Variants in ADGRL2 observed in about 807,000 individuals in gnomAD.
The protein encoded by ADGRL2 is adhesion G protein-coupled receptor L2.
A neutral mutation model predicts 157.4 loss-of-function variants in ADGRL2; 44 were observed. The observed-to-expected ratio is 0.28, with a 90% CI of 0.22 to 0.36. The LOEUF is 0.36. Ranked by LOEUF, ADGRL2 falls within the 10% of genes least tolerant of loss-of-function variation. The pLI, the probability that ADGRL2 is intolerant of heterozygous loss-of-function variation, is 1.00. For synonymous variants in ADGRL2, 585 were observed against 624.7 expected (o/e 0.94, Z 0.95); for missense variants, 1,510 against 1,768.9 (o/e 0.85, Z 2.63).
At chr1:81,540,660 G>GA (rs982150554) in intron 2 of ADGRL2, among the ~76,000 whole-genome samples, 20 of 149,336 alleles carry the variant, frequency 1.3e-4, no homozygotes, top group South Asian at 4.2e-4. Context: ...AGGAACCTGA[G>GA]AAAAAAAAAT....
intron 3 of ADGRL2, among the ~76,000 whole-genome samples, chr1:81,651,446 C>A (rs1219704143): frequency 2.6e-5 from 4 of 152,152 alleles, no homozygotes; most frequent in African/African-American, 9.7e-5. Flanking sequence ...AAAACAATGG[C>A]ACTTGCTTAT....
intron 1 of ADGRL2, among the ~76,000 whole-genome samples, chr1:81,740,331 C>T (rs960412951): frequency 6.6e-6 from 1 of 152,172 alleles, no homozygotes; most frequent in Non-Finnish European, 1.5e-5. Flanking sequence ...CAGGACAGAG[C>T]ACAGTAAGTT....
rs777481658 is a variant in ADGRL2 at position 81,708,119 on chromosome 1, C to A, written c.-143+8311C>A. Among the ~76,000 whole-genome samples the A allele has an allele frequency of 3.1e-4, 47 of 152,162 alleles. 1 individual carries two copies. Among genetic ancestry groups the A allele is most frequent in the Admixed American group, 2.0e-4 (3 of 15,272 alleles). ...TTATTTTTGTGCATATATTTGTGTACATATACACAAACACATGCACACATA... is the reference window on the plus strand; with the variant it reads ...TTATTTTTGTGCATATATTTGTGTAAATATACACAAACACATGCACACATA... On this transcript the variant is annotated intron_variant, in intron 1 of 20. Coordinates refer to the ADGRL2 transcript ENST00000359929.
intron 2 of ADGRL2, among the ~76,000 whole-genome samples, chr1:81,906,707 G>C (rs2094591648): frequency 6.6e-6 from 1 of 151,884 alleles, no homozygotes; most frequent in African/African-American, 2.4e-5. Flanking sequence ...TGTAAAACTT[G>C]TCACCGTTTA....
intron 3 of ADGRL2, among the ~76,000 whole-genome samples, chr1:81,585,065 C>G (rs902563806): frequency 6.6e-6 from 1 of 152,062 alleles, no homozygotes; most frequent in Non-Finnish European, 1.5e-5. Flanking sequence ...TGTTACTTAC[C>G]TGCAATCAAC....
intron 1 of ADGRL2, among the ~76,000 whole-genome samples, chr1:81,716,135 G>A (rs754903478): frequency 5.3e-5 from 8 of 152,122 alleles, no homozygotes; most frequent in African/African-American, 7.2e-5. Flanking sequence ...AACACAGTCC[G>A]TCAAATCTTA....
chr1:81,311,801 C>T (rs1008939050), intron 1 of ADGRL2, among the ~76,000 whole-genome samples: 6 of 152,038 alleles, frequency 3.9e-5, no homozygotes, highest in Non-Finnish European at 8.8e-5. Context: ...TATGATTTCT[C>T]TTTTTGGAAG....
chr1:81,764,766 C>G (rs1022370591), intron 2 of ADGRL2, among the ~76,000 whole-genome samples: 2 of 151,982 alleles, frequency 1.3e-5, no homozygotes, highest in Admixed American at 6.6e-5. Context: ...GAGGGTTATA[C>G]TATAAGATTT....
intron 1 of ADGRL2, among the ~76,000 whole-genome samples, chr1:81,436,595 C>A (rs2077414129): frequency 6.6e-6 from 1 of 152,144 alleles, no homozygotes; most frequent in South Asian, 2.1e-4. Flanking sequence ...AGGTGATAGC[C>A]TGCATAAAGA....
intron 2 of ADGRL2, among the ~76,000 whole-genome samples, chr1:81,499,742 C>A (rs546114051): frequency 1.3e-5 from 2 of 152,234 alleles, no homozygotes; most frequent in Non-Finnish European, 1.5e-5. Flanking sequence ...TAAATACATG[C>A]AGAATTGGGT....
At chr1:81,722,461 C>T (rs17131763) in intron 1 of ADGRL2, 123,683 of 1,439,642 alleles carry the variant, frequency 0.086, 5,917 homozygotes, top group African/African-American at 0.15. Flanking sequence ...CCAAGAGGGC[C>T]AGCGTTTTCG....
At chr1:81,754,375 A>T (rs565805988) in intron 1 of ADGRL2, among the ~76,000 whole-genome samples, 1 of 151,222 alleles carries the variant, frequency 6.6e-6, no homozygotes, top group East Asian at 2.0e-4. Context: ...CCCAAATTAT[A>T]ATGAGCACTA....
intron 4 of ADGRL2, among the ~76,000 whole-genome samples, chr1:81,938,858 C>G (rs2095348130): frequency 6.6e-6 from 1 of 151,380 alleles, no homozygotes; most frequent in African/African-American, 2.4e-5. Context: ...TTCTTTCTAC[C>G]TCTGTCCATT....
At chr1:81,685,182 G>A (rs755065858) in intron 3 of ADGRL2, among the ~76,000 whole-genome samples, 1 of 152,068 alleles carries the variant, frequency 6.6e-6, no homozygotes, top group Non-Finnish European at 1.5e-5. Context: ...AATGATGGTG[G>A]TATTCTCATG....
rs2082393763 is a variant in ADGRL2 at position 81,650,443 on chromosome 1, G to A, written c.-143+69463G>A. Among the ~76,000 whole-genome samples, 3 of 151,138 alleles carry A rather than the reference G, an allele frequency of 2.0e-5. No homozygotes were observed. In the South Asian group the frequency reaches 6.2e-4, roughly 31 times the overall value. Reference sequence around the variant, plus strand: ...ATACAAAAATTAGCTGGGCATGGTGGCACACGCCCATAATTCCAGCTACTC... The same window carrying A: ...ATACAAAAATTAGCTGGGCATGGTGACACACGCCCATAATTCCAGCTACTC... On this transcript the variant is annotated intron_variant, in intron 3 of 24. Transcript: ENST00000370721.
intron 1 of ADGRL2, among the ~76,000 whole-genome samples, chr1:81,427,802 A>G (rs866875485): frequency 2.0e-5 from 3 of 152,220 alleles, no homozygotes; most frequent in African/African-American, 7.2e-5. Flanking sequence ...CAGGACTGCC[A>G]TAGCCATAGT....
chr1:81,473,441 AT>A (rs754038303), intron 2 of ADGRL2, among the ~76,000 whole-genome samples: 9 of 152,328 alleles, frequency 5.9e-5, no homozygotes, highest in Admixed American at 2.0e-4. Flanking sequence ...GAAATATCTG[AT>A]TAATACTTGT....
chr1:81,724,213 G>A (rs2084433309), intron 1 of ADGRL2, among the ~76,000 whole-genome samples: 1 of 152,094 alleles, frequency 6.6e-6, no homozygotes, highest in African/African-American at 2.4e-5. Context: ...GCTTACTTAT[G>A]TGTTAGACTT....
chr1:81,674,143 A>T (rs1454001521), intron 3 of ADGRL2, among the ~76,000 whole-genome samples: 1 of 152,218 alleles, frequency 6.6e-6, no homozygotes, highest in Non-Finnish European at 1.5e-5. Context: ...GAATTTTAAT[A>T]GTGTTTTTCT....
Sources: gnomAD v4.1 joint callset for allele counts (sites outside exome capture counted in the v4.1 genomes callset) on GRCh38, gnomAD v4.1.1 for gene constraint, MANE v1.5 for transcripts, NCBI Gene and HGNC (gene_info 2026-07-23, HGNC 2026-07-21) for gene names.